The following CNDP1 variants were observed in gnomAD, a reference collection of about 807,000 sequenced individuals.
The protein encoded by CNDP1 is beta-Ala-His dipeptidase.
In CNDP1, 44 loss-of-function variants were observed where a neutral mutation model predicts 58.1. The observed-to-expected ratio is 0.76, with a 90% CI of 0.60 to 0.97. The LOEUF is 0.97. CNDP1 is among the 50% of genes least tolerant of loss of function. CNDP1 has a pLI of 0.00. For missense variants in CNDP1, 616 were observed against 655.1 expected (o/e 0.94, Z 0.65); for synonymous variants, 254 against 252.6 (o/e 1.01, Z -0.05).
chr18:74,586,086 TA>T lies in CNDP1; in HGVS notation c.*1529del, dbSNP rs1981908398. 3.3e-5 allele frequency: 5 copies of T among 151,466 alleles called. No individual in the cohort carries two copies. Among genetic ancestry groups the T allele is most frequent in the Admixed American group, 2.6e-4 (4 of 15,204 alleles). 9.4% of individuals were successfully genotyped at this position (151,466 alleles called of 1,614,324 possible). On this transcript the variant is annotated 3_prime_UTR_variant, in exon 12 of 12. Transcript: ENST00000358821. Reference sequence around the variant, plus strand: ...GGTTCTTGAGATGTCAGTGTCAGTTTAAAAACGTGCTGTACCACCTTTAAAA... The same window carrying T: ...GGTTCTTGAGATGTCAGTGTCAGTTTAAAACGTGCTGTACCACCTTTAAAA...
intron 1 of CNDP1, among the ~76,000 whole-genome samples, chr18:74,546,627 A>G (rs997465925): frequency 1.3e-5 from 2 of 152,052 alleles, no homozygotes; most frequent in Non-Finnish European, 2.9e-5. Flanking sequence ...GCCAGTTCCT[A>G]AGTGCTAGTG....
intron 5 of CNDP1, among the ~76,000 whole-genome samples, chr18:74,562,464 C>G (rs1981226732): frequency 6.6e-6 from 1 of 152,184 alleles, no homozygotes; most frequent in Admixed American, 6.5e-5. Context: ...TGGGACTGGT[C>G]TTTTTTTCTT....
chr18:74,544,488 A>C (rs2144641746), intron 1 of CNDP1, among the ~76,000 whole-genome samples: 1 of 152,204 alleles, frequency 6.6e-6, no homozygotes, highest in Middle Eastern at 3.4e-3. Context: ...AGGCCGAAGC[A>C]GGTGGATCAC....
Position 74,562,133 on chromosome 18 carries a change from C to G in CNDP1, c.553C>G (p.Gln185Glu). Residue 185 changes from glutamine to glutamate, a missense_variant and splice_region_variant, in exon 5 of 12, where the codon CAA (glutamine) becomes GAA (glutamate). Coordinates refer to ENST00000358821, the MANE Select transcript of CNDP1 (RefSeq NM_032649.6). ...TGTGAGCGCCTTCAGAGCCCTGGAG[C>G]AAGTAGGTGGCAGCTGTGTTTGGGA... ...NAVSAFRALE[Q>E]DLPVNIKFII... The G allele has an allele frequency of 6.2e-7, 1 of 1,613,892 alleles. No homozygotes were observed. Among genetic ancestry groups the G allele is most frequent in the Non-Finnish European group, 8.5e-7 (1 of 1,179,856 alleles).
chr18:74,584,249 T>TA (rs1469583649), intron 11 of CNDP1: 1 of 507,192 alleles, frequency 2.0e-6, no homozygotes, highest in African/African-American at 1.9e-5. Context: ...ATATCAGTGA[T>TA]AAGAAATCAA....
intron 1 of CNDP1, among the ~76,000 whole-genome samples, chr18:74,540,754 A>G (rs1362899184): frequency 6.6e-6 from 1 of 152,176 alleles, no homozygotes; most frequent in Non-Finnish European, 1.5e-5. Context: ...GTGATTGGCG[A>G]CGTTGTGGCC....
intron 1 of CNDP1, among the ~76,000 whole-genome samples, chr18:74,549,396 C>T (rs55746285): frequency 0.03 from 4,523 of 152,286 alleles, 232 homozygotes; most frequent in African/African-American, 0.1. Flanking sequence ...TTAGAAAGAA[C>T]TCCCCGAACA....
At chr18:74,552,656 C>A (rs963960474) in intron 1 of CNDP1, among the ~76,000 whole-genome samples, 2 of 152,170 alleles carry the variant, frequency 1.3e-5, no homozygotes, top group African/African-American at 4.8e-5. Flanking sequence ...GTGAAATATA[C>A]CACATTTTAT....
chr18:74,542,269 G>A (rs889583772), intron 1 of CNDP1, among the ~76,000 whole-genome samples: 5 of 152,226 alleles, frequency 3.3e-5, no homozygotes, highest in Admixed American at 2.6e-4. Context: ...TAATTTATTA[G>A]TCATTATTAG....
Position 74,583,682 on chromosome 18 carries a change from A to G in CNDP1, c.1431A>G (p.Glu477=), listed in dbSNP as rs1343058693. ...LIPLGAVDDG[E]HSQNEKINRW... ...CGCTGGGAGCTGTTGATGATGGAGA[A>G]CATTCGCAGAATGAGAAAATCAACA... The change falls in exon 11 of 12, where the codon GAA becomes GAG. Residue 477 remains glutamate (E), a synonymous_variant. Transcript: ENST00000358821. 5.6e-6 allele frequency: 9 copies of G among 1,614,026 alleles called. No individual in the cohort carries two copies. The African/African-American group carries it at 6.7e-5, about 12-fold the overall frequency.
Position 74,585,742 on chromosome 18 carries a change from C to T in CNDP1, c.*1180C>T, listed in dbSNP as rs1221538329. 1.3e-5 allele frequency: 2 copies of T among 152,066 alleles called. No individual in the cohort carries two copies. The highest frequency in any genetic ancestry group is 1.3e-4 in the Admixed American group (2 of 15,272). The allele number at this position is 152,066 out of a possible 1,614,324, so 9.4% of individuals were successfully genotyped here. A position where few individuals can be genotyped will look rare whatever the true frequency, so the allele number is the denominator to read the frequency against. ...AGGCGCGGTGGCTCATGCCCATAAT[C>T]CCAGCACTTTCGGAGGCCGAGGTGG... On this transcript the variant is annotated 3_prime_UTR_variant, in exon 12 of 12. Transcript: ENST00000358821.
At position 74,559,488 on chromosome 18, in the gene CNDP1, C is replaced by A. The variant is rs201716139; in HGVS notation, c.303+16C>A. 16 of 1,593,700 alleles carry A rather than the reference C, an allele frequency of 1.0e-5. No homozygotes were observed. The highest frequency in any genetic ancestry group is 1.4e-5 in the Non-Finnish European group (16 of 1,174,646). ...TCCTCAGCAGGTGCTGTACGATTCC[C>A]TCCCACTGAGGGAGGTGCTACTTCT... is the stretch of plus-strand genomic sequence containing the variant. On this transcript the variant is annotated intron_variant, in intron 3 of 11. Coordinates refer to ENST00000358821, the MANE Select transcript of CNDP1 (RefSeq NM_032649.6).
chr18:74,565,609 A>T (rs951570634), intron 5 of CNDP1, among the ~76,000 whole-genome samples: 9 of 152,200 alleles, frequency 5.9e-5, no homozygotes, highest in Non-Finnish European at 1.3e-4. Flanking sequence ...TCTCCTTTGA[A>T]TCCAGGTCTC....
In CNDP1 at chr18:74,534,599, C is replaced by T. The variant is rs909833836; in HGVS notation, c.-69C>T. The T allele has an allele frequency of 5.8e-6, 9 of 1,550,164 alleles. No homozygotes were observed. The African/African-American group carries it at 1.2e-4, about 21-fold the overall frequency. On this transcript the variant is annotated 5_prime_UTR_variant, in exon 1 of 12. Transcript: ENST00000358821. ...TTTAATGTCACCCTCTTGGGGCTTT[C>T]ATGGGACTCCCTCTGCCACATTTTT...
Position 74,560,910 on chromosome 18 carries a change from A to T in CNDP1, c.358A>T (p.Ser120Cys). Residue 120 changes from serine to cysteine, a missense_variant, in exon 4 of 12, where the codon AGC becomes TGC. Physicochemically the swap from Ser to Cys is moderately radical, Grantham distance 112. Coordinates refer to ENST00000358821, the MANE Select transcript of CNDP1 (RefSeq NM_032649.6). ...TCCCGTCATCCTGGCCGAACTGGGG[A>T]GCGATCCCACGAAAGGCACCGTGTG... ...IPPVILAELG[S>C]DPTKGTVCFY... The T allele has an allele frequency of 6.2e-7, 1 of 1,614,036 alleles. No homozygotes were observed. The highest frequency in any genetic ancestry group is 8.5e-7 in the Non-Finnish European group (1 of 1,179,998).
At chr18:74,540,810 A>G (rs1018135826) in intron 1 of CNDP1, among the ~76,000 whole-genome samples, 1 of 152,202 alleles carries the variant, frequency 6.6e-6, no homozygotes, top group Non-Finnish European at 1.5e-5. Context: ...GTGAAGACGC[A>G]ATAAAAATGT....
At chr18:74,544,371 T>G (rs1411361996) in intron 1 of CNDP1, among the ~76,000 whole-genome samples, 1 of 152,142 alleles carries the variant, frequency 6.6e-6, no homozygotes, top group East Asian at 1.9e-4. Context: ...GGAGCTTATG[T>G]CATGAGAGCC....
chr18:74,584,428 GAAT>G (rs1315476293), intron 11 of CNDP1, 65 bp from the exon 12 acceptor site: 6 of 1,066,382 alleles, frequency 5.6e-6, no homozygotes, highest in Non-Finnish European at 8.8e-6. Context: ...CTAAATGACA[GAAT>G]ATTTTTCCTC....
At chr18:74,575,109 AAAG>A (rs892395171) in intron 7 of CNDP1, among the ~76,000 whole-genome samples, 1 of 150,836 alleles carries the variant, frequency 6.6e-6, no homozygotes, top group Non-Finnish European at 1.5e-5. Context: ...AAAAAGAAGG[AAAG>A]AAAGGAAGGA....
Sources: gnomAD v4.1 joint callset for allele counts (sites outside exome capture counted in the v4.1 genomes callset) on GRCh38, gnomAD v4.1.1 for gene constraint, MANE v1.5 for transcripts, NCBI Gene and HGNC (gene_info 2026-07-23, HGNC 2026-07-21) for gene names.